Variants in COL18A1 observed in about 807,000 individuals in gnomAD.
COL18A1 encodes collagen type XVIII alpha 1 chain, also known as collagen alpha-1(XVIII) chain.
COL18A1 carries 133 observed loss-of-function variants against 168.0 expected under a neutral mutation model. The observed-to-expected ratio is 0.79, with a 90% CI of 0.69 to 0.91. The LOEUF (loss-of-function observed/expected upper bound fraction) is 0.91, where lower values mean the gene tolerates loss of function less well. Among genes scored for constraint, COL18A1 ranks in the 40% least tolerant of loss-of-function variants. The pLI, the probability that COL18A1 is intolerant of heterozygous loss-of-function variation, is 0.00. For missense variants in COL18A1, 2,126 were observed against 1,925.4 expected (o/e 1.10, Z -1.95); for synonymous variants, 949 against 809.0 (o/e 1.17, Z -2.94).
At chr21:45,483,488 T>C (rs1281186202) in intron 15 of COL18A1, among the ~76,000 whole-genome samples, 4 of 151,940 alleles carry the variant, frequency 2.6e-5, no homozygotes, top group Non-Finnish European at 4.4e-5. Context: ...CACTTCCTCC[T>C]TCTGTTCTGC....
intron 2 of COL18A1, among the ~76,000 whole-genome samples, chr21:45,415,119 A>G (rs1181524157): frequency 1.3e-5 from 2 of 152,170 alleles, no homozygotes; most frequent in Non-Finnish European, 2.9e-5. Flanking sequence ...CCCAGCAGCC[A>G]GAGGTGACAG....
intron 5 of COL18A1, among the ~76,000 whole-genome samples, chr21:45,476,121 G>A (rs2035639382): frequency 6.6e-6 from 1 of 150,876 alleles, no homozygotes; most frequent in Non-Finnish European, 1.5e-5. Context: ...CCTCTGTGGT[G>A]ACGGCAGGCG....
chr21:45,422,386 T>C, intron 2 of COL18A1: 1 of 490,024 alleles, frequency 2.0e-6, no homozygotes, highest in Non-Finnish European at 4.3e-6. Flanking sequence ...TGGCGGGGCC[T>C]CGCCTGTGGG....
rs2145984949 is a variant in COL18A1, at chr21:45,491,263, C to T, written c.2106C>T (p.Leu702=). Residue 702 remains leucine, a synonymous_variant, in exon 22 of 42, where the codon CTC becomes CTT. Coordinates refer to ENST00000651438, the MANE Select transcript of COL18A1 (RefSeq NM_001379500.1). ...PGKDGVGQPG[L]PGPPGPPGPV... ...AGGACGGAGTCGGGCAGCCGGGCCT[C>T]CCTGGCCCCCCCGGACCCCCGGGAC... is the stretch of plus-strand genomic sequence containing the variant. The T allele has an allele frequency of 6.2e-7, 1 of 1,612,352 alleles. No individual in the cohort carries two copies. Among genetic ancestry groups the T allele is most frequent in the Non-Finnish European group, 8.5e-7 (1 of 1,179,728 alleles).
In COL18A1 at chr21:45,468,764, G is replaced by C; in HGVS notation, c.629G>C (p.Gly210Ala). ...GAGLFVAQAG[G>A]ADPDKFQGVI... ...GGGCTCTTCGTGGCTCAGGCGGGGG[G>C]AGCGGACCCTGACAAGTTCCAGGTA... is the stretch of plus-strand genomic sequence containing the variant. The change falls in exon 3 of 42, where the codon GGA becomes GCA. Residue 210 changes from glycine (G) to alanine (A), a missense_variant. Physicochemically the swap from Gly to Ala is moderately conservative, Grantham distance 60. Coordinates refer to ENST00000651438, the MANE Select transcript of COL18A1 (RefSeq NM_001379500.1). 6.2e-7 allele frequency: 1 copy of C among 1,602,822 alleles called. No individual in the cohort carries two copies. Among genetic ancestry groups the C allele is most frequent in the Non-Finnish European group, 8.5e-7 (1 of 1,179,022 alleles).
chr21:45,464,530 C>T (rs112413148), intron 2 of COL18A1, among the ~76,000 whole-genome samples: 4,439 of 152,230 alleles, frequency 0.029, 230 homozygotes, highest in African/African-American at 0.1. Flanking sequence ...TAAGAAATTG[C>T]CACAAATTCA....
In COL18A1 at chr21:45,505,840, G is replaced by A; in HGVS notation, c.3090G>A (p.Val1030=). The change falls in exon 37 of 42, where the codon GTG becomes GTA. Residue 1030 remains valine, a splice_region_variant and synonymous_variant. Transcript: ENST00000651438. ...ACCTCTGCATTTGGTCCCAGCAGGT[G>A]AGGCTCTGGGCTACACGCCAGGCCA... ...PPGTMGASSG[V]RLWATRQAML... 3 of 1,604,496 alleles carry A rather than the reference G, an allele frequency of 1.9e-6. No individual in the cohort carries two copies. Among genetic ancestry groups the A allele is most frequent in the Non-Finnish European group, 1.7e-6 (2 of 1,177,442 alleles).
At chr21:45,503,886 C>T (rs574719267) in intron 32 of COL18A1, 125 bp from the exon 33 acceptor site, 33 of 888,064 alleles carry the variant, frequency 3.7e-5, no homozygotes, top group Admixed American at 2.5e-4. Context: ...TAATTAAATA[C>T]GCGATCTCTA....
Position 45,425,078 on chromosome 21 carries a change from G to T in COL18A1, c.106+19605G>T, listed in dbSNP as rs7281421. On this transcript the variant is annotated intron_variant, in intron 2 of 41. Transcript: ENST00000651438. The surrounding 1 kb of genome is among the most constrained non-coding windows in gnomAD (Gnocchi z 4.1). Reference sequence around the variant, plus strand: ...GCTCGGGGGCCAGTCAGTCTCATGAGGACGGGGTGGGTCTGACTTGTGGCA... The same window carrying T: ...GCTCGGGGGCCAGTCAGTCTCATGATGACGGGGTGGGTCTGACTTGTGGCA... The T allele has an allele frequency of 0.38, 58,482 of 152,126 alleles. 12,695 individuals are homozygous for T. The highest frequency in any genetic ancestry group is 0.6 in the African/African-American group (24,695 of 41,470). The allele number at this position is 152,126 out of a possible 1,614,324, so 9.4% of individuals were successfully genotyped here. A position where few individuals can be genotyped will look rare whatever the true frequency, so the allele number is the denominator to read the frequency against.
At position 45,494,527 on chromosome 21, in the gene COL18A1, TC is replaced by T; in HGVS notation, c.2353-17del. 2 of 1,613,300 alleles carry T rather than the reference TC, an allele frequency of 1.2e-6. No individual in the cohort carries two copies. Among genetic ancestry groups the T allele is most frequent in the South Asian group, 2.2e-5 (2 of 91,090 alleles). The stretch of plus-strand genomic sequence containing the variant: ...CACAAGCTGCCACCTAACCCTGTCT[TC>T]TTGTTTTTTTGCTCAGGGAGAGCCG... On this transcript the variant is annotated splice_polypyrimidine_tract_variant and intron_variant, in intron 26 of 41. Coordinates refer to ENST00000651438, the MANE Select transcript of COL18A1 (RefSeq NM_001379500.1).
rs200362222 is a variant in COL18A1 at position 45,477,979 on chromosome 21, T to TC, written c.1221+20dup. ...GACGGCGAGCCGGTGAGTCCTCACG[T>TC]CCCCCCGAGTCCGGCCCGGTCTGGA... On this transcript the variant is annotated intron_variant, in intron 8 of 41. Coordinates refer to ENST00000651438, the MANE Select transcript of COL18A1 (RefSeq NM_001379500.1). 42,192 of 1,335,378 alleles carry TC rather than the reference T, an allele frequency of 0.032. 807 individuals are homozygous for TC. Among genetic ancestry groups the TC allele is most frequent in the Middle Eastern group, 0.037 (196 of 5,354 alleles). The allele number at this position is 1,335,378 out of a possible 1,614,324, so 82.7% of individuals were successfully genotyped here.
Position 45,505,839 on chromosome 21 carries a change from T to G in COL18A1, c.3089T>G (p.Val1030Gly). 6.3e-7 allele frequency: 1 copy of G among 1,593,000 alleles called. No homozygotes were observed. The highest frequency in any genetic ancestry group is 8.5e-7 in the Non-Finnish European group (1 of 1,169,816). ...CACCTCTGCATTTGGTCCCAGCAGG[T>G]GAGGCTCTGGGCTACACGCCAGGCC... ...PPGTMGASSG[V>G]RLWATRQAML... Residue 1030 changes from valine to glycine, a missense_variant and splice_region_variant, in exon 37 of 42, where the codon GTG becomes GGG. Transcript: ENST00000651438.
At chr21:45,503,281 T>C (rs1212048464) in intron 32 of COL18A1, among the ~76,000 whole-genome samples, 1 of 44,610 alleles carries the variant, frequency 2.2e-5, no homozygotes, top group African/African-American at 7.0e-5. Flanking sequence ...TGTGAGATGG[T>C]ATCTCATTGT....
rs557659707 is a variant in COL18A1, at chr21:45,496,752, G to A, written c.2577+184G>A. On this transcript the variant is annotated intron_variant, in intron 30 of 41. Coordinates refer to ENST00000651438, the MANE Select transcript of COL18A1 (RefSeq NM_001379500.1). ...GGAAGGTGAAGGCCTGGGAAAGGGA[G>A]GGCTCTCTGGGTGTGGAGCTGCTTC... Among the ~76,000 whole-genome samples the A allele has an allele frequency of 2.0e-5, 3 of 152,372 alleles. No homozygotes were observed. The East Asian group carries it at 5.8e-4, about 29-fold the overall frequency.
intron 2 of COL18A1, among the ~76,000 whole-genome samples, chr21:45,447,213 T>C (rs79105352): frequency 6.6e-6 from 1 of 150,450 alleles, no homozygotes; most frequent in Non-Finnish European, 1.5e-5. Flanking sequence ...ATATATATCA[T>C]ATATCATATA....
chr21:45,511,418 G>A (rs2037601561), intron 41 of COL18A1, among the ~76,000 whole-genome samples, 192 bp downstream of exon 41: 1 of 152,148 alleles, frequency 6.6e-6, no homozygotes, highest in South Asian at 2.1e-4. Context: ...TTAGCAATGC[G>A]TTTGAGAGCC....
intron 2 of COL18A1, among the ~76,000 whole-genome samples, chr21:45,453,266 C>T (rs540532555): frequency 1.7e-4 from 26 of 152,168 alleles, no homozygotes; most frequent in Admixed American, 1.1e-3. Context: ...ATGTCTGGCA[C>T]GTACGCTTAT....
At position 45,483,998 on chromosome 21, in the gene COL18A1, A is replaced by ACACACACACCTCTCCAGCATATGTACACG. The variant is rs1568913262; in HGVS notation, c.1701+1184_1701+1185insACCTCTCCAGCATATGTACACGCACACAC. Reference sequence around the variant, plus strand: ...ACCTCTCCAGCATATGTACACATGCACACACACCTCTCCAGCATATGTACA... The same window carrying ACACACACACCTCTCCAGCATATGTACACG: ...ACCTCTCCAGCATATGTACACATGCACACACACACCTCTCCAGCATATGTACACGCACACACCTCTCCAGCATATGTACA... On this transcript the variant is annotated intron_variant, in intron 15 of 41. Coordinates refer to ENST00000651438, the MANE Select transcript of COL18A1 (RefSeq NM_001379500.1). Among the ~76,000 whole-genome samples, 19 of 94,060 alleles carry ACACACACACCTCTCCAGCATATGTACACG rather than the reference A, an allele frequency of 2.0e-4. 1 individual carries two copies. The highest frequency in any genetic ancestry group is 3.3e-4 in the Admixed American group (3 of 9,138). The allele number at this position is 94,060 out of a possible 152,430, so 61.7% of individuals were successfully genotyped here. A position where few individuals can be genotyped will look rare whatever the true frequency, so the allele number is the denominator to read the frequency against.
At chr21:45,484,210 C>A (rs2036009900) in intron 15 of COL18A1, among the ~76,000 whole-genome samples, 1 of 144,698 alleles carries the variant, frequency 6.9e-6, no homozygotes, top group Non-Finnish European at 1.5e-5. Flanking sequence ...CACACATAGG[C>A]ACACACATCT....
Sources: allele counts gnomAD v4.1 joint callset (sites outside exome capture counted in the v4.1 genomes callset), GRCh38; gene constraint gnomAD v4.1.1; non-coding constraint Gnocchi (gnomAD v3.1); transcripts MANE v1.5; gene names NCBI Gene and HGNC (gene_info 2026-07-23, HGNC 2026-07-21).